The following DENND2A variants were observed in gnomAD, a reference collection of about 807,000 sequenced individuals.
The protein encoded by DENND2A is DENN domain-containing protein 2A.
In DENND2A, 53 loss-of-function variants were observed where a neutral mutation model predicts 105.3. The ratio of observed to expected loss-of-function variants is 0.50; its 90% confidence interval spans 0.40 to 0.63. The LOEUF (loss-of-function observed/expected upper bound fraction) is 0.63, where lower values mean the gene tolerates loss of function less well. Ranked by LOEUF, DENND2A falls within the 30% of genes least tolerant of loss-of-function variation. DENND2A has a pLI of 0.00. For synonymous variants in DENND2A, 522 were observed against 508.4 expected (o/e 1.03, Z -0.36); for missense variants, 1,138 against 1,279.6 (o/e 0.89, Z 1.69).
intron 1 of DENND2A, among the ~76,000 whole-genome samples, chr7:140,624,859 T>G (rs150195045): frequency 0.011 from 1,482 of 140,614 alleles, 33 homozygotes; most frequent in African/African-American, 0.041. Context: ...GTTTTTTTTG[T>G]TTTTTTTTGT....
chr7:140,625,850 GTTAT>G (rs1379723658), intron 1 of DENND2A, among the ~76,000 whole-genome samples: 1 of 152,074 alleles, frequency 6.6e-6, no homozygotes, highest in African/African-American at 2.4e-5. Context: ...GGCTTCAAAT[GTTAT>G]TTATACATTT....
At chr7:140,587,302 G>A (rs758057874) in intron 4 of DENND2A, among the ~76,000 whole-genome samples, 10 of 152,126 alleles carry the variant, frequency 6.6e-5, no homozygotes, top group Non-Finnish European at 1.2e-4. Context: ...GTTCAGAGAC[G>A]TGAAGTCACT....
intron 14 of DENND2A, among the ~76,000 whole-genome samples, chr7:140,530,035 GC>G (rs1286481542): frequency 6.7e-6 from 1 of 150,304 alleles, no homozygotes; most frequent in Non-Finnish European, 1.5e-5. Context: ...ACCAACCTGG[GC>G]AACATGGTGG....
chr7:140,603,277 C>T (rs557425697), intron 2 of DENND2A, among the ~76,000 whole-genome samples: 2 of 152,212 alleles, frequency 1.3e-5, no homozygotes, highest in Non-Finnish European at 2.9e-5. Context: ...CAGAGAGAGA[C>T]TCTGTCTCAA....
Position 140,519,667 on chromosome 7 carries a change from T to A in DENND2A, c.2963A>T (p.Glu988Val), listed in dbSNP as rs1317415805. 1.2e-6 allele frequency: 2 copies of A among 1,614,036 alleles called. No homozygotes were observed. The highest frequency in any genetic ancestry group is 1.7e-6 in the Non-Finnish European group (2 of 1,180,010). The change falls in exon 19 of 20, where the codon GAG becomes GTG. Residue 988 changes from glutamate to valine, a missense_variant. Glu to Val is a moderately radical substitution (Grantham distance 121). Around this residue, in one of 2 missense-constraint regions of DENND2A, gnomAD observed 627 missense variants for 779.8 expected, o/e 0.80. Coordinates refer to ENST00000496613, the MANE Select transcript of DENND2A (RefSeq NM_015689.5). ...QEYLETLPSGEHSGVNKFLKG... is the reference protein window; with the variant it reads ...QEYLETLPSGVHSGVNKFLKG... Reference sequence around the variant, plus strand: ...CAGGAACTTATTGACACCGCTGTGCTCTCCACTGGGGAGTGTTTCCAGATA... The same window carrying A: ...CAGGAACTTATTGACACCGCTGTGCACTCCACTGGGGAGTGTTTCCAGATA...
chr7:140,551,340 GA>G (rs571414770), intron 12 of DENND2A, among the ~76,000 whole-genome samples: 1 of 142,044 alleles, frequency 7.0e-6, no homozygotes, highest in African/African-American at 2.6e-5. Flanking sequence ...AAAAGGAAAA[GA>G]AAAAAAGCCT....
intron 6 of DENND2A, among the ~76,000 whole-genome samples, chr7:140,570,999 C>T (rs1798071234): frequency 1.3e-5 from 2 of 152,224 alleles, no homozygotes; most frequent in Middle Eastern, 6.8e-3. Context: ...ATTCAGAATC[C>T]CACACGTGGA....
intron 1 of DENND2A, among the ~76,000 whole-genome samples, chr7:140,637,933 G>A (rs1321290392): frequency 2.0e-5 from 3 of 152,170 alleles, no homozygotes; most frequent in African/African-American, 7.2e-5. Flanking sequence ...CCTTTGTATA[G>A]GATTTCCCTG....
Position 140,599,594 on chromosome 7 carries a change from C to T in DENND2A, c.995+1809G>A, listed in dbSNP as rs1359250186. ...GGCCAACACAATTTAGTTGCTTGTC[C>T]AATGTCCCACAGCTAGTAAGTAGCA... On this transcript the variant is annotated intron_variant, in intron 3 of 19. Transcript: ENST00000496613. Among the ~76,000 whole-genome samples the T allele has an allele frequency of 3.3e-5, 5 of 151,900 alleles. No homozygotes were observed. The East Asian group carries it at 9.6e-4, about 29-fold the overall frequency.
In DENND2A at chr7:140,573,883, A is replaced by G. The variant is rs1798194393; in HGVS notation, c.1371T>C (p.Thr457=). 6.2e-7 allele frequency: 1 copy of G among 1,613,776 alleles called. No individual in the cohort carries two copies. Among genetic ancestry groups the G allele is most frequent in the Non-Finnish European group, 8.5e-7 (1 of 1,179,970 alleles). The change falls in exon 6 of 20, where the codon ACT becomes ACC. Residue 457 remains threonine, a synonymous_variant. Coordinates refer to ENST00000496613, the MANE Select transcript of DENND2A (RefSeq NM_015689.5). ...GSPSKISPPS[T]PSSPDDIFFN... is the part of the protein sequence containing the mutation. ...AGAAAATGTCATCAGGGCTGCTGGG[A>G]GTGGAGGGAGGGCTGATTTTGGAAG... is the stretch of plus-strand genomic sequence containing the variant.
chr7:140,586,366 AACACACACACACAC>A (rs10524571), intron 4 of DENND2A, among the ~76,000 whole-genome samples: 40 of 139,630 alleles, frequency 2.9e-4, no homozygotes, highest in East Asian at 1.5e-3. Context: ...TAAAAAAGAA[AACACACACACACAC>A]ACACACACAC....
At chr7:140,550,011 C>A (rs971733831) in intron 12 of DENND2A, among the ~76,000 whole-genome samples, 1 of 151,964 alleles carries the variant, frequency 6.6e-6, no homozygotes, top group Non-Finnish European at 1.5e-5. Flanking sequence ...CTAAGTGAAT[C>A]GAAGCCAGTC....
intron 14 of DENND2A, among the ~76,000 whole-genome samples, chr7:140,535,908 C>T (rs551809738): frequency 6.6e-6 from 1 of 152,064 alleles, no homozygotes. Flanking sequence ...CATCTACAAA[C>T]GATGAACCCA....
At chr7:140,556,174 C>A (rs1396057447) in intron 11 of DENND2A, among the ~76,000 whole-genome samples, 1 of 151,976 alleles carries the variant, frequency 6.6e-6, no homozygotes, top group African/African-American at 2.4e-5. Flanking sequence ...CACACCACCA[C>A]GCCCCACTAA....
intron 1 of DENND2A, among the ~76,000 whole-genome samples, chr7:140,608,326 A>G (rs756691630): frequency 6.6e-6 from 1 of 152,158 alleles, no homozygotes; most frequent in Non-Finnish European, 1.5e-5. Context: ...ATTCACAAAG[A>G]TATTAAAAAT....
chr7:140,621,865 C>T (rs776915844), intron 1 of DENND2A, among the ~76,000 whole-genome samples: 12 of 152,102 alleles, frequency 7.9e-5, no homozygotes, highest in Non-Finnish European at 1.2e-4. Context: ...GTTTGGGGTA[C>T]GTGGCTGGAA....
At chr7:140,526,809 G>A (rs73163298) in intron 15 of DENND2A, among the ~76,000 whole-genome samples, 16,871 of 152,188 alleles carry the variant, frequency 0.11, 1,176 homozygotes, top group Admixed American at 0.17. Context: ...CTGACTGCTG[G>A]AAGTCCCCAG....
chr7:140,622,645 C>T (rs1800337508), intron 1 of DENND2A, among the ~76,000 whole-genome samples: 2 of 152,110 alleles, frequency 1.3e-5, no homozygotes, highest in South Asian at 4.1e-4. Context: ...TAAGCATGCC[C>T]AGGTCCAAGA....
intron 1 of DENND2A, among the ~76,000 whole-genome samples, chr7:140,638,077 T>A (rs1005289195): frequency 6.6e-6 from 1 of 152,192 alleles, no homozygotes; most frequent in African/African-American, 2.4e-5. Flanking sequence ...AACGAAGATT[T>A]TTTTTTTCTA....
Sources: allele counts gnomAD v4.1 joint callset (sites outside exome capture counted in the v4.1 genomes callset), GRCh38; gene constraint gnomAD v4.1.1; regional missense constraint gnomAD v4.1.1; transcripts MANE v1.5; gene names NCBI Gene and HGNC (gene_info 2026-07-23, HGNC 2026-07-21).